SNX5: variants seen among roughly 807,000 people sequenced by gnomAD.
SNX5 encodes the protein sorting nexin-5.
SNX5 carries 31 observed loss-of-function variants against 53.9 expected under a neutral mutation model. The observed-to-expected ratio is 0.58, with a 90% confidence interval of 0.43 to 0.78. The LOEUF is 0.78. Among genes scored for constraint, SNX5 ranks in the 30% least tolerant of loss-of-function variants. The pLI is 0.00. For missense variants in SNX5, 471 were observed against 478.8 expected (o/e 0.98, Z 0.15); for synonymous variants, 168 against 171.1 (o/e 0.98, Z 0.14).
intron 1 of SNX5, among the ~76,000 whole-genome samples, chr20:17,958,022 AGAGAG>A (rs372449489): frequency 0.014 from 2,035 of 143,062 alleles, 60 homozygotes; most frequent in African/African-American, 0.053. Flanking sequence ...AAAAAAAAAA[AGAGAG>A]GAGAGAACAG....
chr20:17,946,237 C>T (rs569507005), intron 11 of SNX5, among the ~76,000 whole-genome samples: 59 of 152,294 alleles, frequency 3.9e-4, no homozygotes, highest in Admixed American at 1.6e-3. Context: ...TATGTGTGCA[C>T]ACACACATAC....
In SNX5 at chr20:17,968,481, GGCCGCCGCC is replaced by G. The variant is rs767551520; in HGVS notation, c.-65_-57del. 36 of 1,283,316 alleles carry G rather than the reference GGCCGCCGCC, an allele frequency of 2.8e-5. 1 individual carries two copies. Among genetic ancestry groups the G allele is most frequent in the Non-Finnish European group, 3.0e-5 (30 of 1,012,384 alleles). The allele number at this position is 1,283,316 out of a possible 1,614,324, so 79.5% of individuals were successfully genotyped here. ...GGCTGTGCGAGGAAAGAAGAAGCTG[GGCCGCCGCC>G]GCCGCCGCCTGGGCGCCTCTCGGGG... On this transcript the variant is annotated 5_prime_UTR_variant, in exon 1 of 13. Transcript: ENST00000377759.
At chr20:17,952,167 A>G (rs577758751) in intron 5 of SNX5, among the ~76,000 whole-genome samples, 69 of 152,270 alleles carry the variant, frequency 4.5e-4, no homozygotes, top group Admixed American at 1.1e-3. Context: ...AGCTTGCAGT[A>G]AGCCGAGATC....
chr20:17,955,531 G>A, intron 2 of SNX5, 56 bp from the exon 3 acceptor site: 2 of 1,223,806 alleles, frequency 1.6e-6, no homozygotes, highest in Admixed American at 3.5e-5. Context: ...AAGTGATCTG[G>A]GTTTCCTAGG....
Position 17,968,751 on chromosome 20 carries a change from G to T in SNX5, c.-326C>A. 2.7e-6 allele frequency: 1 copy of T among 376,536 alleles called. No homozygotes were observed. The highest frequency in any genetic ancestry group is 3.5e-5 in the South Asian group (1 of 28,724). 23.3% of individuals were successfully genotyped at this position (376,536 alleles called of 1,614,324 possible). ...CCAACCGCAGGGCCGCGACACGGAC[G>T]GGAAGCAACGGACACTCTCCCAGCA... On this transcript the variant is annotated 5_prime_UTR_variant, in exon 1 of 13. Transcript: ENST00000377759.
intron 12 of SNX5, 127 bp from the exon 13 acceptor site, chr20:17,942,534 C>G: frequency 1.4e-6 from 1 of 730,694 alleles, no homozygotes; most frequent in Non-Finnish European, 2.5e-6. Flanking sequence ...GCTGGCCCTT[C>G]TCTTCATCAA....
chr20:17,956,325 G>A (rs2035355567), intron 2 of SNX5, among the ~76,000 whole-genome samples: 3 of 152,144 alleles, frequency 2.0e-5, no homozygotes, highest in South Asian at 2.1e-4. Context: ...TATTCAAGCC[G>A]CCCAGGCGTT....
At chr20:17,947,465 A>C (rs1172348987) in intron 11 of SNX5, 21 bp downstream of exon 11, 2 of 1,606,254 alleles carry the variant, frequency 1.2e-6, no homozygotes, top group East Asian at 4.5e-5. Flanking sequence ...ACAGTACAGA[A>C]AGAAGAATGT....
In SNX5 at chr20:17,952,730, T is replaced by C. The variant is rs377000964; in HGVS notation, c.390-20A>G. On this transcript the variant is annotated intron_variant, in intron 4 of 12. Transcript: ENST00000377759. ...TACTCACTGAAAAGAGATGTGCACATGGCATTCAGTTGACACAGCTCAACT... is the reference window on the plus strand; with the variant it reads ...TACTCACTGAAAAGAGATGTGCACACGGCATTCAGTTGACACAGCTCAACT... 9 of 1,610,854 alleles carry C rather than the reference T, an allele frequency of 5.6e-6. No homozygotes were observed. Among genetic ancestry groups the C allele is most frequent in the African/African-American group, 1.3e-5 (1 of 74,806 alleles).
At chr20:17,956,432 C>A (rs1221769736) in intron 2 of SNX5, among the ~76,000 whole-genome samples, 4 of 152,148 alleles carry the variant, frequency 2.6e-5, no homozygotes, top group African/African-American at 7.2e-5. Context: ...AAATTAAAAA[C>A]AAAGCTGGGG....
At chr20:17,943,301 G>A (rs190500568) in intron 11 of SNX5, 106 bp from the exon 12 acceptor site, 14 of 759,206 alleles carry the variant, frequency 1.8e-5, no homozygotes, top group African/African-American at 1.4e-4. Flanking sequence ...ATGCTTTCAG[G>A]CACCAGCATT....
chr20:17,960,317 C>G (rs1020550798), intron 1 of SNX5, among the ~76,000 whole-genome samples: 7 of 151,542 alleles, frequency 4.6e-5, no homozygotes, highest in Non-Finnish European at 8.8e-5. Context: ...AAAAAGTGGC[C>G]AGGCACGGTG....
intron 4 of SNX5, 74 bp downstream of exon 4, chr20:17,953,922 T>C: frequency 1.5e-6 from 2 of 1,302,562 alleles, no homozygotes; most frequent in Non-Finnish European, 2.2e-6. Context: ...AGTCAGGTTC[T>C]TCTACTTATT....
intron 1 of SNX5, 45 bp from the exon 2 acceptor site, chr20:17,957,082 TA>T: frequency 1.8e-6 from 2 of 1,116,064 alleles, no homozygotes; most frequent in Non-Finnish European, 2.8e-6. Context: ...CATTTGGCCC[TA>T]AAAAATTATT....
chr20:17,967,890 G>T (rs2122448579), intron 1 of SNX5: 1 of 396,948 alleles, frequency 2.5e-6, no homozygotes, highest in African/African-American at 2.1e-5. Context: ...GTTGTAAGCA[G>T]CATGTTCGGA....
At chr20:17,943,967 G>A (rs1276899554) in intron 11 of SNX5, 1 of 152,216 alleles carries the variant, frequency 6.6e-6, no homozygotes, top group African/African-American at 2.4e-5. Flanking sequence ...TCCATCAGTG[G>A]ATGAAGACAA....
chr20:17,968,035 C>A, intron 1 of SNX5: 1 of 398,542 alleles, frequency 2.5e-6, no homozygotes, highest in South Asian at 1.3e-4. Context: ...ATTTCACGTT[C>A]ACCTACTGGT....
At chr20:17,949,034 T>C (rs2039527499) in intron 9 of SNX5, 30 bp downstream of exon 9, 3 of 1,608,940 alleles carry the variant, frequency 1.9e-6, no homozygotes, top group Non-Finnish European at 2.6e-6. Flanking sequence ...ATAAAATATA[T>C]ATTATGAAGA....
intron 1 of SNX5, 147 bp downstream of exon 1, chr20:17,968,228 G>A (rs2035595360): frequency 5.5e-6 from 3 of 545,038 alleles, no homozygotes; most frequent in Non-Finnish European, 8.4e-6. Flanking sequence ...AGACCAGGGA[G>A]AGGGGCCGCC....
Sources: allele counts gnomAD v4.1 joint callset (sites outside exome capture counted in the v4.1 genomes callset), GRCh38; gene constraint gnomAD v4.1.1; transcripts MANE v1.5; gene names NCBI Gene and HGNC (gene_info 2026-07-23, HGNC 2026-07-21).